The following FAM53A variants were observed in gnomAD, a reference collection of about 807,000 sequenced individuals.
FAM53A encodes protein FAM53A.
Under a neutral mutation model 26.6 loss-of-function variants are expected in FAM53A, and 28 were observed. The ratio of observed to expected loss-of-function variants is 1.05; its 90% CI spans 0.78 to 1.45. The LOEUF is 1.45. FAM53A is among the 40% of genes most tolerant of loss of function. FAM53A has a pLI of 0.00. For synonymous variants in FAM53A, 290 were observed against 253.1 expected, an observed-to-expected ratio of 1.15 and a Z score of -1.38; for missense variants, 650 against 575.8, an observed-to-expected ratio of 1.13 and a Z score of -1.32.
the FAM53A span, among the ~76,000 whole-genome samples, chr4:1,591,791 G>C: frequency 1.3e-5 from 2 of 152,166 alleles, no homozygotes; most frequent in African/African-American, 4.8e-5. Flanking sequence ...ACCCTGAGCT[G>C]AGGGACTCCC....
chr4:1,663,106 T>C (rs929010264), intron 2 of FAM53A, among the ~76,000 whole-genome samples: 1 of 151,490 alleles, frequency 6.6e-6, no homozygotes, highest in Admixed American at 6.6e-5. Flanking sequence ...GGCTGAGGCG[T>C]GAGAATGGCG....
chr4:1,577,815 T>C, the FAM53A span, among the ~76,000 whole-genome samples: 4 of 152,178 alleles, frequency 2.6e-5, no homozygotes. Context: ...AGGGACAGCC[T>C]TGTCCAATGT....
intron 4 of FAM53A, among the ~76,000 whole-genome samples, chr4:1,645,392 G>T (rs1404534113): frequency 6.6e-6 from 1 of 152,252 alleles, no homozygotes; most frequent in Non-Finnish European, 1.5e-5. Context: ...GGGTTATTAG[G>T]AAAGTACGGA....
At chr4:1,676,576 C>A (rs1484925395) in intron 1 of FAM53A, among the ~76,000 whole-genome samples, 1 of 152,156 alleles carries the variant, frequency 6.6e-6, no homozygotes, top group Non-Finnish European at 1.5e-5. Flanking sequence ...GAGCTACTCC[C>A]AAACGTGCAG....
At chr4:1,679,820 G>A (rs867016209) in intron 1 of FAM53A, among the ~76,000 whole-genome samples, 9 of 151,130 alleles carry the variant, frequency 6.0e-5, no homozygotes, top group Middle Eastern at 3.5e-3. Context: ...AGACCGAGGC[G>A]GGTGGATCAC....
rs759724282 is a variant in FAM53A at position 1,655,072 on chromosome 4, C to A, written c.788G>T (p.Cys263Phe). The A allele has an allele frequency of 6.2e-7, 1 of 1,601,704 alleles. No individual in the cohort carries two copies. The highest frequency in any genetic ancestry group is 1.1e-5 in the South Asian group (1 of 89,310). ...RGLLRCRSQP[C>F]VLSGKRSRRK... ...CCGGCTCCTCTTCCCACTGAGCACGCAAGGCTGTGAGCGGCACCGGAGCAG... is the reference window on the plus strand; with the variant it reads ...CCGGCTCCTCTTCCCACTGAGCACGAAAGGCTGTGAGCGGCACCGGAGCAG... The change falls in exon 4 of 5, where the codon TGC (cysteine) becomes TTC (phenylalanine). Residue 263 changes from cysteine to phenylalanine, a missense_variant. Transcript: ENST00000308132.
chr4:1,577,741 T>C, the FAM53A span, among the ~76,000 whole-genome samples: 2 of 152,232 alleles, frequency 1.3e-5, no homozygotes, highest in South Asian at 2.1e-4. Flanking sequence ...TCTGACTCTG[T>C]ACTTTTTATG....
At chr4:1,609,862 C>T in the FAM53A span, among the ~76,000 whole-genome samples, 3 of 152,030 alleles carry the variant, frequency 2.0e-5, no homozygotes, top group Non-Finnish European at 4.4e-5. Context: ...ACTCGGGAGG[C>T]TAAGGTGGGA....
chr4:1,676,374 G>C (rs1343321996), intron 1 of FAM53A, among the ~76,000 whole-genome samples: 2 of 152,180 alleles, frequency 1.3e-5, no homozygotes, highest in Non-Finnish European at 2.9e-5. Context: ...CCATGCTCCA[G>C]TGTGACCCCA....
In FAM53A at chr4:1,655,059, C is replaced by T. The variant is rs765717229; in HGVS notation, c.801G>A (p.Gly267=). ...RCRSQPCVLS[G]KRSRRKRRRE... ...GCCTCCGTTTGCGCCGGCTCCTCTT[C>T]CCACTGAGCACGCAAGGCTGTGAGC... is the stretch of plus-strand genomic sequence containing the variant. The change falls in exon 4 of 5, where the codon GGG becomes GGA. Residue 267 remains glycine (G), a synonymous_variant. Transcript: ENST00000308132. 3.8e-6 allele frequency: 6 copies of T among 1,598,746 alleles called. No individual in the cohort carries two copies. In the East Asian group the frequency reaches 1.4e-4, roughly 36 times the overall value.
chr4:1,611,489 G>C, the FAM53A span, among the ~76,000 whole-genome samples: 1 of 152,216 alleles, frequency 6.6e-6, no homozygotes, highest in South Asian at 2.1e-4. Flanking sequence ...CACTGGCCCA[G>C]CTGGCAGAGC....
intron 4 of FAM53A, among the ~76,000 whole-genome samples, chr4:1,649,989 G>A (rs1289814906): frequency 5.4e-5 from 5 of 91,744 alleles, no homozygotes; most frequent in African/African-American, 1.8e-4. Flanking sequence ...CAGGCGTGGC[G>A]TTTGACTGTG....
chr4:1,603,316 G>A, the FAM53A span, among the ~76,000 whole-genome samples: 1 of 152,038 alleles, frequency 6.6e-6, no homozygotes, highest in Non-Finnish European at 1.5e-5. Context: ...ACCTTCAAGG[G>A]GCCCACAAGA....
intron 1 of FAM53A, among the ~76,000 whole-genome samples, chr4:1,669,189 C>T (rs1037849427): frequency 6.6e-6 from 1 of 152,176 alleles, no homozygotes; most frequent in Admixed American, 6.5e-5. Flanking sequence ...AAAGAGGAAA[C>T]AGGATGGGAG....
downstream of FAM53A, among the ~76,000 whole-genome samples, chr4:1,638,504 C>G (rs1715948677): frequency 6.6e-6 from 1 of 152,120 alleles, no homozygotes; most frequent in African/African-American, 2.4e-5. Flanking sequence ...GCCTCCAGCC[C>G]CACTCACCAG....
At chr4:1,615,898 G>A (rs1714796075), downstream of FAM53A, among the ~76,000 whole-genome samples, 1 of 152,242 alleles carries the variant, frequency 6.6e-6, no homozygotes, top group Admixed American at 6.5e-5. Context: ...GGCAGGGGCT[G>A]GGCAGGGATG....
intron 1 of FAM53A, among the ~76,000 whole-genome samples, chr4:1,675,757 G>C (rs12505688): frequency 0.59 from 89,240 of 152,064 alleles, 27,725 homozygotes; most frequent in East Asian, 0.89. Context: ...AGCCTCCTCA[G>C]CCCTTAGGAC....
At chr4:1,680,810 G>T (rs1296573356) in intron 1 of FAM53A, among the ~76,000 whole-genome samples, 1 of 151,236 alleles carries the variant, frequency 6.6e-6, no homozygotes, top group Admixed American at 6.6e-5. Flanking sequence ...AAAAAAAACC[G>T]TGGCTGCCAG....
intron 1 of FAM53A, among the ~76,000 whole-genome samples, chr4:1,634,855 A>C (rs890887151): frequency 6.6e-6 from 1 of 152,032 alleles, no homozygotes; most frequent in Non-Finnish European, 1.5e-5. Context: ...AGTCAAGATC[A>C]CACCACTGCA....
Sources: allele counts gnomAD v4.1 joint callset (sites outside exome capture counted in the v4.1 genomes callset), GRCh38; gene constraint gnomAD v4.1.1; transcripts MANE v1.5; gene names NCBI Gene and HGNC (gene_info 2026-07-23, HGNC 2026-07-21).